SYT3: variants seen among roughly 807,000 people sequenced by gnomAD.
SYT3 encodes the protein synaptotagmin-3.
SYT3 carries 25 observed loss-of-function variants against 50.6 expected under a neutral mutation model. The observed-to-expected ratio is 0.49, with a 90% confidence interval of 0.36 to 0.69. The LOEUF is 0.69. Among genes scored for constraint, SYT3 ranks in the 30% least tolerant of loss-of-function variants. The probability of loss-of-function intolerance (pLI) is 0.00; values close to 1 mark genes in which losing one functional copy is unlikely to be tolerated. For missense variants in SYT3, 589 were observed against 793.6 expected (o/e 0.74, Z 3.10); for synonymous variants, 323 against 353.9 (o/e 0.91, Z 0.98).
At chr19:50,631,054 C>T (rs565166609) in intron 4 of SYT3, among the ~76,000 whole-genome samples, 1 of 152,278 alleles carries the variant, frequency 6.6e-6, no homozygotes, top group South Asian at 2.1e-4. Context: ...TCCCATGGCT[C>T]CTCAGTGCCC....
rs560266139 is a variant in SYT3 at position 50,632,127 on chromosome 19, C to T, written c.674+159G>A. Among the ~76,000 whole-genome samples, 5 of 152,198 alleles carry T rather than the reference C, an allele frequency of 3.3e-5. No homozygotes were observed. The South Asian group carries it at 1.0e-3, about 32-fold the overall frequency. On this transcript the variant is annotated intron_variant, in intron 4 of 10. Coordinates refer to ENST00000600079, the MANE Select transcript of SYT3 (RefSeq NM_001160329.2). The surrounding 1 kb of genome is among the most constrained non-coding windows in gnomAD (Gnocchi z 4.7). ...CCACAGCCCCAACCTCCCTCAGATC[C>T]AGGAGTCTAGGGCCCCAGCCTCCTC...
intron 3 of SYT3, among the ~76,000 whole-genome samples, chr19:50,633,121 A>G (rs2123015269): frequency 6.6e-6 from 1 of 152,270 alleles, no homozygotes; most frequent in East Asian, 1.9e-4. Context: ...AGCTGGAACT[A>G]CAGGTATGTG....
the SYT3 span, among the ~76,000 whole-genome samples, chr19:50,657,465 T>A: frequency 6.6e-6 from 1 of 152,252 alleles, no homozygotes; most frequent in Admixed American, 6.5e-5. Context: ...AATCACGTGA[T>A]GCAACTGTGT....
chr19:50,646,449 T>C, the SYT3 span, among the ~76,000 whole-genome samples: 5 of 152,072 alleles, frequency 3.3e-5, no homozygotes. Context: ...AGGGAAATAA[T>C]CATGTATTCA....
chr19:50,641,601 CT>C (rs1449350289), upstream of SYT3, among the ~76,000 whole-genome samples: 1 of 151,632 alleles, frequency 6.6e-6, no homozygotes, highest in Non-Finnish European at 1.5e-5. Flanking sequence ...AATCCTAGCA[CT>C]TTGGGAGGCC....
the SYT3 span, among the ~76,000 whole-genome samples, chr19:50,656,931 GAC>G: frequency 9.5e-5 from 14 of 146,796 alleles, no homozygotes; most frequent in South Asian, 3.1e-3. Flanking sequence ...CAGCCTGGGT[GAC>G]AAAGTGAGAC....
chr19:50,625,636 G>A lies in SYT3; in HGVS notation c.1403-72C>T, dbSNP rs1984025013. On this transcript the variant is annotated intron_variant, in intron 7 of 10. Transcript: ENST00000600079. The surrounding 1 kb of genome is among the most constrained non-coding windows in gnomAD (Gnocchi z 7.5). ...CTAGGGGTCCAGGACCCCAGGCCCC[G>A]AGCCCCTCCTCCCTCAGACCCAGAG... The A allele has an allele frequency of 8.1e-6, 12 of 1,480,984 alleles. No individual in the cohort carries two copies. The highest frequency in any genetic ancestry group is 1.1e-5 in the Non-Finnish European group (12 of 1,116,310). 91.7% of individuals were successfully genotyped at this position (1,480,984 alleles called of 1,614,324 possible).
chr19:50,656,460 G>T, the SYT3 span: 1 of 1,365,984 alleles, frequency 7.3e-7, no homozygotes, highest in South Asian at 1.5e-5. Flanking sequence ...CTTATAAGCT[G>T]TGGGCTTGCC....
rs761209975 is a variant in SYT3 at position 50,632,586 on chromosome 19, G to A, written c.374C>T (p.Pro125Leu). The change falls in exon 4 of 11, where the codon CCT (proline) becomes CTT (leucine). Residue 125 changes from proline to leucine, a missense_variant. By Grantham distance (98) the Pro-to-Leu change is moderately conservative. Coordinates refer to ENST00000600079, the MANE Select transcript of SYT3 (RefSeq NM_001160329.2). This position sits in a 1 kb window ranked among gnomAD's most constrained non-coding sequence, Gnocchi z 4.7. ...HHLAAGLGGH[P>L]LLGGPHHHAH... ...ATGGTGGTGTGGGCCGCCCAGCAGAGGATGGCCACCCAGGCCAGCCGCCAG... is the reference window on the plus strand; with the variant it reads ...ATGGTGGTGTGGGCCGCCCAGCAGAAGATGGCCACCCAGGCCAGCCGCCAG... 1 of 1,582,852 alleles carries A rather than the reference G, an allele frequency of 6.3e-7. No homozygotes were observed.
chr19:50,625,623 G>A lies in SYT3; in HGVS notation c.1403-59C>T. 6.6e-7 allele frequency: 1 copy of A among 1,504,564 alleles called. No individual in the cohort carries two copies. Among genetic ancestry groups the A allele is most frequent in the Non-Finnish European group, 8.9e-7 (1 of 1,129,542 alleles). 93.2% of individuals were successfully genotyped at this position (1,504,564 alleles called of 1,614,324 possible). On this transcript the variant is annotated intron_variant, in intron 7 of 10. Transcript: ENST00000600079. This position sits in a 1 kb window ranked among gnomAD's most constrained non-coding sequence, Gnocchi z 7.5. ...CACTCCCTCAGACCTAGGGGTCCAG[G>A]ACCCCAGGCCCCGAGCCCCTCCTCC...
the SYT3 span, among the ~76,000 whole-genome samples, chr19:50,654,341 C>T: frequency 6.6e-6 from 1 of 152,000 alleles, no homozygotes; most frequent in Non-Finnish European, 1.5e-5. Context: ...CTCACTCTGT[C>T]GCCCAGGCTG....
upstream of SYT3, among the ~76,000 whole-genome samples, chr19:50,641,768 C>T (rs561401328): frequency 1.1e-4 from 16 of 152,092 alleles, 1 homozygote; most frequent in South Asian, 1.9e-3. Context: ...ATCACTTGAA[C>T]CCAGAAGGTG....
At chr19:50,645,893 C>A in the SYT3 span, among the ~76,000 whole-genome samples, 1 of 151,718 alleles carries the variant, frequency 6.6e-6, no homozygotes, top group Admixed American at 6.6e-5. Flanking sequence ...GAAACCCAAA[C>A]CCCCACAAAA....
intron 9 of SYT3, among the ~76,000 whole-genome samples, chr19:50,624,019 G>C (rs1983952734): frequency 6.6e-6 from 1 of 150,880 alleles, no homozygotes; most frequent in Non-Finnish European, 1.5e-5. Flanking sequence ...CTGGAGTGTG[G>C]TGGTGAGATC....
chr19:50,657,726 A>T, the SYT3 span, among the ~76,000 whole-genome samples: 4 of 152,232 alleles, frequency 2.6e-5, no homozygotes, highest in Admixed American at 2.6e-4. Context: ...CTGTTCATTG[A>T]CTTTGGGGCA....
chr19:50,655,744 A>G, the SYT3 span, among the ~76,000 whole-genome samples: 2 of 152,058 alleles, frequency 1.3e-5, no homozygotes, highest in Admixed American at 1.3e-4. Flanking sequence ...TGACTAGAAG[A>G]GGAAGCAAAA....
rs536825900 is a variant in SYT3 at position 50,635,362 on chromosome 19, C to T, written c.148+1902G>A. Among the ~76,000 whole-genome samples the T allele has an allele frequency of 5.9e-5, 9 of 152,270 alleles. No homozygotes were observed. In the South Asian group the frequency reaches 8.3e-4, roughly 14 times the overall value. On this transcript the variant is annotated intron_variant, in intron 3 of 10. Transcript: ENST00000600079. Reference sequence around the variant, plus strand: ...AAATTAAACAGATGCTTTCCCCTACCGCCAGCCTGATTCAGACCCTGTCCA... The same window carrying T: ...AAATTAAACAGATGCTTTCCCCTACTGCCAGCCTGATTCAGACCCTGTCCA...
chr19:50,628,210 A>G (rs1984146679), intron 6 of SYT3, among the ~76,000 whole-genome samples: 1 of 152,234 alleles, frequency 6.6e-6, no homozygotes, highest in Non-Finnish European at 1.5e-5. Context: ...GGAATGTTGG[A>G]TAATCCACAA....
chr19:50,624,103 T>C (rs565568482), intron 9 of SYT3, among the ~76,000 whole-genome samples: 22 of 152,020 alleles, frequency 1.4e-4, no homozygotes, highest in East Asian at 9.7e-4. Context: ...GCAGGGACTA[T>C]AAGCACACAC....
Sources: allele counts gnomAD v4.1 joint callset (sites outside exome capture counted in the v4.1 genomes callset), GRCh38; gene constraint gnomAD v4.1.1; non-coding constraint Gnocchi (gnomAD v3.1); transcripts MANE v1.5; gene names NCBI Gene and HGNC (gene_info 2026-07-23, HGNC 2026-07-21).